Variants in GPR135 observed in about 807,000 individuals in gnomAD.
GPR135 encodes the protein G-protein coupled receptor 135.
Under a neutral mutation model 15.0 loss-of-function variants are expected in GPR135, and 17 were observed. The ratio of observed to expected loss-of-function variants is 1.13; its 90% CI spans 0.78 to 1.70. The LOEUF (loss-of-function observed/expected upper bound fraction) is 1.70, where lower values mean the gene tolerates loss of function less well. Among genes scored for constraint, GPR135 ranks in the 40% most tolerant of loss-of-function variants. The pLI, the probability that GPR135 is intolerant of heterozygous loss-of-function variation, is 0.00. For synonymous variants in GPR135, 368 were observed against 349.4 expected (o/e 1.05, Z -0.59); for missense variants, 776 against 727.0 (o/e 1.07, Z -0.78).
Position 59,464,027 on chromosome 14 carries a change from G to A in GPR135, c.1200C>T (p.Arg400=), listed in dbSNP as rs1888979717. The A allele has an allele frequency of 6.2e-7, 1 of 1,613,742 alleles. No homozygotes were observed. The highest frequency in any genetic ancestry group is 1.7e-5 in the Admixed American group (1 of 60,012). Residue 400 remains arginine (R), a synonymous_variant, in exon 1 of 1, where the codon CGC becomes CGT. Coordinates refer to ENST00000395116, the MANE Select transcript of GPR135 (RefSeq NM_022571.6). ...TAGTCCGGTAGCCCTCCTCGCGGTT[G>A]CGCCCTAGGAGCATCGAAATGTTGG... ...RNPNISMLLG[R]NREEGYRTRN...
chr14:59,464,218 T>C lies in GPR135; in HGVS notation c.1009A>G (p.Ile337Val), dbSNP rs1475523007. 2 of 1,611,298 alleles carry C rather than the reference T, an allele frequency of 1.2e-6. No individual in the cohort carries two copies. Among genetic ancestry groups the C allele is most frequent in the South Asian group, 1.1e-5 (1 of 91,072 alleles). Residue 337 changes from isoleucine to valine, a missense_variant, in exon 1 of 1, where the codon ATC (isoleucine) becomes GTC (valine). Physicochemically the swap from Ile to Val is conservative, Grantham distance 29. Transcript: ENST00000395116. ...VRTATTVLIM[I>V]VFVICCWGPY... ...CCCCAGCAGCAGATGACGAAGACGA[T>C]CATGATGAGGACGGTGGTGGCCGTG...
In GPR135 at chr14:59,464,969, C is replaced by T. The variant is rs1889082835; in HGVS notation, c.258G>A (p.Arg86=). Residue 86 remains arginine, a synonymous_variant, in exon 1 of 1, where the codon AGG becomes AGA. Coordinates refer to ENST00000395116, the MANE Select transcript of GPR135 (RefSeq NM_022571.6). ...GAAREAGAAV[R]RPLGPEAAPL... is the part of the protein sequence containing the mutation. ...GCGCCGCCTCCGGGCCTAGCGGCCG[C>T]CTCACCGCCGCCCCCGCCTCCCGCG... The T allele has an allele frequency of 6.7e-7, 1 of 1,490,542 alleles. No homozygotes were observed. Among genetic ancestry groups the T allele is most frequent in the South Asian group, 1.3e-5 (1 of 76,684 alleles). The allele number at this position is 1,490,542 out of a possible 1,614,324, so 92.3% of individuals were successfully genotyped here. A position where few individuals can be genotyped will look rare whatever the true frequency, so the allele number is the denominator to read the frequency against.
At position 59,463,758 on chromosome 14, in the gene GPR135, C is replaced by T. The variant is rs1269225564; in HGVS notation, c.1469G>A (p.Gly490Glu). ...CCAACCGTCTTAGAGGCTGGTATCC[C>T]CAGCTTCGGATTTAGGCTGTTTGGT... Reference protein sequence around the residue: ...AVTKQPKSEAGDTSL With the variant: ...AVTKQPKSEAEDTSL Residue 490 changes from glycine (G) to glutamate (E), a missense_variant, in exon 1 of 1, where the codon GGG becomes GAG. By Grantham distance (98) the Gly-to-Glu change is moderately conservative. Transcript: ENST00000395116. The T allele has an allele frequency of 3.1e-6, 5 of 1,599,928 alleles. No homozygotes were observed. The South Asian group carries it at 4.5e-5, about 14-fold the overall frequency.
chr14:59,460,476 A>C (rs1888814714), downstream of GPR135: 1 of 152,190 alleles, frequency 6.6e-6, no homozygotes, highest in South Asian at 2.1e-4. Flanking sequence ...AGACAGAGGC[A>C]GTACAGAATA....
rs984821343 is a variant in GPR135, at chr14:59,461,465, C to T, written c.*2277G>A. On this transcript the variant is annotated 3_prime_UTR_variant, in exon 1 of 1. Coordinates refer to ENST00000395116, the MANE Select transcript of GPR135 (RefSeq NM_022571.6). Reference sequence around the variant, plus strand: ...TCCAATTCTTGCCTACCATGACTCTCGGAGCCACTAACAGAATGGCCTCTT... The same window carrying T: ...TCCAATTCTTGCCTACCATGACTCTTGGAGCCACTAACAGAATGGCCTCTT... 6 of 152,152 alleles carry T rather than the reference C, an allele frequency of 3.9e-5. No homozygotes were observed. Among genetic ancestry groups the T allele is most frequent in the African/African-American group, 7.2e-5 (3 of 41,440 alleles). 9.4% of individuals were successfully genotyped at this position (152,152 alleles called of 1,614,324 possible).
rs1031377677 is a variant in GPR135 at position 59,465,044 on chromosome 14, G to A, written c.183C>T (p.Gly61=). 1.5e-6 allele frequency: 2 copies of A among 1,349,020 alleles called. No individual in the cohort carries two copies. The highest frequency in any genetic ancestry group is 1.5e-5 in the African/African-American group (1 of 65,664). 83.6% of individuals were successfully genotyped at this position (1,349,020 alleles called of 1,614,324 possible). ...ALGNLSDASG[G]GTAAAPGGGG... ...CGCCACCGGGAGCGGCAGCTGTGCC[G>A]CCTCCGCTTGCGTCGCTCAGGTTCC... is the stretch of plus-strand genomic sequence containing the variant. Residue 61 remains glycine, a synonymous_variant, in exon 1 of 1, where the codon GGC becomes GGT. Transcript: ENST00000395116.
Position 59,461,325 on chromosome 14 carries a change from G to A in GPR135, c.*2417C>T, listed in dbSNP as rs1425367041. ...ATGGAGTTCTGAGGCCAAACAGACT[G>A]CAGTTCAAATCCTAGTTCTACCACT... On this transcript the variant is annotated 3_prime_UTR_variant, in exon 1 of 1. Transcript: ENST00000395116. 6.6e-6 allele frequency: 1 copy of A among 152,182 alleles called. No homozygotes were observed. Among genetic ancestry groups the A allele is most frequent in the African/African-American group, 2.4e-5 (1 of 41,432 alleles). 9.4% of individuals were successfully genotyped at this position (152,182 alleles called of 1,614,324 possible). A position where few individuals can be genotyped will look rare whatever the true frequency, so the allele number is the denominator to read the frequency against.
rs1171593357 is a variant in GPR135 at position 59,463,601 on chromosome 14, G to T, written c.*141C>A. On this transcript the variant is annotated 3_prime_UTR_variant, in exon 1 of 1. Coordinates refer to ENST00000395116, the MANE Select transcript of GPR135 (RefSeq NM_022571.6). ...AAGAAGGGACATTGTCTTTTATGTT[G>T]TTTGGGGAAAGTGGTAAGCCTCCCC... 6.4e-6 allele frequency: 5 copies of T among 778,420 alleles called. No homozygotes were observed. The highest frequency in any genetic ancestry group is 5.5e-5 in the East Asian group (2 of 36,290). The allele number at this position is 778,420 out of a possible 1,614,324, so 48.2% of individuals were successfully genotyped here.
downstream of GPR135, among the ~76,000 whole-genome samples, chr14:59,458,081 G>A (rs1279539240): frequency 6.6e-6 from 1 of 152,160 alleles, no homozygotes; most frequent in Non-Finnish European, 1.5e-5. Context: ...CTATTTTGGG[G>A]TAGTCTTTTT....
downstream of GPR135, among the ~76,000 whole-genome samples, chr14:59,459,336 G>GGT (rs1454854969): frequency 6.6e-6 from 1 of 152,184 alleles, no homozygotes; most frequent in Non-Finnish European, 1.5e-5. Context: ...CCTCCTAATA[G>GGT]GTGTGGTCAC....
rs1444839184 is a variant in GPR135, at chr14:59,462,480, T to G, written c.*1262A>C. 2.0e-5 allele frequency: 3 copies of G among 152,242 alleles called. No homozygotes were observed. The highest frequency in any genetic ancestry group is 6.5e-5 in the Admixed American group (1 of 15,286). The allele number at this position is 152,242 out of a possible 1,614,324, so 9.4% of individuals were successfully genotyped here. On this transcript the variant is annotated 3_prime_UTR_variant, in exon 1 of 1. Coordinates refer to ENST00000395116, the MANE Select transcript of GPR135 (RefSeq NM_022571.6). Reference sequence around the variant, plus strand: ...AGTTTGCTTGAAGTTCTTCTCCAACTTTATGCCTGTGTTTTAATACCGTTA... The same window carrying G: ...AGTTTGCTTGAAGTTCTTCTCCAACGTTATGCCTGTGTTTTAATACCGTTA...
At position 59,463,832 on chromosome 14, in the gene GPR135, T is replaced by C. The variant is rs528333076; in HGVS notation, c.1395A>G (p.Pro465=). 36 of 1,614,228 alleles carry C rather than the reference T, an allele frequency of 2.2e-5. No individual in the cohort carries two copies. The East Asian group carries it at 7.8e-4, about 35-fold the overall frequency. Residue 465 remains proline, a synonymous_variant, in exon 1 of 1, where the codon CCA becomes CCG. Coordinates refer to ENST00000395116, the MANE Select transcript of GPR135 (RefSeq NM_022571.6). ...GTCCCTCTCGGCAGAAAAGTACAACTGGATTTTTGCGGGCCCACATGGCCA... is the reference window on the plus strand; with the variant it reads ...GTCCCTCTCGGCAGAAAAGTACAACCGGATTTTTGCGGGCCCACATGGCCA... ...GDVAMWARKN[P]VVLFCREGPP...
rs370248219 is a variant in GPR135, at chr14:59,464,183, G to A, written c.1044C>T (p.Cys348=). The change falls in exon 1 of 1, where the codon TGC becomes TGT. Residue 348 remains cysteine (C), a synonymous_variant. Transcript: ENST00000395116. ...GGGCGGCGGCCAGCAGCACCAGGAA[G>A]CAGTAGGGCCCCCAGCAGCAGATGA... The part of the protein sequence containing the change: ...VFVICCWGPY[C]FLVLLAAARQ... 14 of 1,609,124 alleles carry A rather than the reference G, an allele frequency of 8.7e-6. No homozygotes were observed. The highest frequency in any genetic ancestry group is 2.7e-5 in the African/African-American group (2 of 74,518).
In GPR135 at chr14:59,460,975, C is replaced by T. The variant is rs1888835275; in HGVS notation, c.*2767G>A. 1 of 152,218 alleles carries T rather than the reference C, an allele frequency of 6.6e-6. No individual in the cohort carries two copies. Among genetic ancestry groups the T allele is most frequent in the South Asian group, 2.1e-4 (1 of 4,828 alleles). The allele number at this position is 152,218 out of a possible 1,614,324, so 9.4% of individuals were successfully genotyped here. A position where few individuals can be genotyped will look rare whatever the true frequency, so the allele number is the denominator to read the frequency against. Reference sequence around the variant, plus strand: ...CAAATGGGTGGCTGACTTATACCTGCGTATCTCTTGCTTCCAAGTTCATCT... The same window carrying T: ...CAAATGGGTGGCTGACTTATACCTGTGTATCTCTTGCTTCCAAGTTCATCT... On this transcript the variant is annotated 3_prime_UTR_variant, in exon 1 of 1. Transcript: ENST00000395116.
At chr14:59,453,062 C>A (rs1040722533) in intron 6 of GPR135, among the ~76,000 whole-genome samples, 5 of 152,102 alleles carry the variant, frequency 3.3e-5, no homozygotes, top group Admixed American at 6.6e-5. Context: ...GCAGTGGTTT[C>A]AAGAGACTGG....
chr14:59,458,304 C>T (rs1888734275), downstream of GPR135, among the ~76,000 whole-genome samples: 1 of 152,168 alleles, frequency 6.6e-6, no homozygotes, highest in South Asian at 2.1e-4. Flanking sequence ...ACAGTCTGAT[C>T]CAATTGCAGG....
At chr14:59,455,509 C>CA (rs1888621817) in intron 6 of GPR135, among the ~76,000 whole-genome samples, 1 of 152,146 alleles carries the variant, frequency 6.6e-6, no homozygotes, top group Admixed American at 6.5e-5. Flanking sequence ...AAGCTAGCTC[C>CA]AAATTTAGCA....
chr14:59,463,982 C>T lies in GPR135; in HGVS notation c.1245G>A (p.Leu415=). The T allele has an allele frequency of 1.2e-6, 2 of 1,613,986 alleles. No individual in the cohort carries two copies. The highest frequency in any genetic ancestry group is 1.6e-4 in the Middle Eastern group (1 of 6,062). ...GYRTRNVDAF[L]PSQGPGLQAR... is the part of the protein sequence containing the mutation. Reference sequence around the variant, plus strand: ...CTTGCAGACCCGGGCCCTGGCTGGGCAGGAAAGCGTCCACATTCCTAGTCC... The same window carrying T: ...CTTGCAGACCCGGGCCCTGGCTGGGTAGGAAAGCGTCCACATTCCTAGTCC... Residue 415 remains leucine, a synonymous_variant, in exon 1 of 1, where the codon CTG becomes CTA. Coordinates refer to ENST00000395116, the MANE Select transcript of GPR135 (RefSeq NM_022571.6).
chr14:59,463,918 G>A lies in GPR135; in HGVS notation c.1309C>T (p.Arg437Trp), dbSNP rs771478195. 4 of 1,613,904 alleles carry A rather than the reference G, an allele frequency of 2.5e-6. No homozygotes were observed. The African/African-American group carries it at 4.0e-5, about 16-fold the overall frequency. The change falls in exon 1 of 1, where the codon CGG (arginine) becomes TGG (tryptophan). Residue 437 changes from arginine (R) to tryptophan (W), a missense_variant. Transcript: ENST00000395116. ...RSRLRNRYAN[R>W]LGACNRMSSS... Reference sequence around the variant, plus strand: ...GACATCCTGTTGCAGGCCCCCAGCCGGTTGGCATAGCGGTTTCGAAGGCGA... The same window carrying A: ...GACATCCTGTTGCAGGCCCCCAGCCAGTTGGCATAGCGGTTTCGAAGGCGA...
Sources: allele counts gnomAD v4.1 joint callset (sites outside exome capture counted in the v4.1 genomes callset), GRCh38; gene constraint gnomAD v4.1.1; transcripts MANE v1.5; gene names NCBI Gene and HGNC (gene_info 2026-07-23, HGNC 2026-07-21).